Variants in SHMT1 observed in about 807,000 individuals in gnomAD.
The protein encoded by SHMT1 is serine hydroxymethyltransferase 1.
SHMT1 carries 45 observed loss-of-function variants against 49.0 expected under a neutral mutation model. The observed-to-expected ratio is 0.92, with a 90% CI of 0.72 to 1.18. The LOEUF (loss-of-function observed/expected upper bound fraction) is 1.18. SHMT1 is among the 50% of genes most tolerant of loss of function. SHMT1 has a pLI of 0.00. For synonymous variants in SHMT1, 232 were observed against 246.6 expected, an observed-to-expected ratio of 0.94 and a Z score of 0.55; for missense variants, 541 against 612.4, an observed-to-expected ratio of 0.88 and a Z score of 1.23.
In SHMT1 at chr17:18,340,483, G is replaced by A. The variant is rs1203206203; in HGVS notation, c.602-228C>T. ...GATGGCCCCAACTACTATTGCCAGC[G>A]CAGTCAGGGCCTGACATTTCTAGAT... On this transcript the variant is annotated intron_variant, in intron 6 of 11. Transcript: ENST00000316694. This position sits in a 1 kb window ranked among gnomAD's most constrained non-coding sequence, Gnocchi z 4.5. The A allele has an allele frequency of 1.0e-5, 7 of 667,580 alleles. No individual in the cohort carries two copies. Among genetic ancestry groups the A allele is most frequent in the African/African-American group, 7.2e-5 (4 of 55,894 alleles). 41.4% of individuals were successfully genotyped at this position (667,580 alleles called of 1,614,324 possible). A position where few individuals can be genotyped will look rare whatever the true frequency, so the allele number is the denominator to read the frequency against.
chr17:18,331,647 C>G (rs560928839), intron 9 of SHMT1: 1 of 152,486 alleles, frequency 6.6e-6, no homozygotes, highest in East Asian at 1.9e-4. Context: ...GGACTATGGC[C>G]TAAACCCTCA....
At chr17:18,361,756 G>C (rs112939055) in intron 1 of SHMT1, among the ~76,000 whole-genome samples, 3 of 151,500 alleles carry the variant, frequency 2.0e-5, no homozygotes, top group East Asian at 1.9e-4. Flanking sequence ...ACTGCTCTCC[G>C]GCCTGGGCAA....
chr17:18,343,311 T>C (rs941858689), intron 5 of SHMT1, among the ~76,000 whole-genome samples: 1 of 152,106 alleles, frequency 6.6e-6, no homozygotes. Context: ...ATTAAACTTC[T>C]ATAAACATAT....
intron 9 of SHMT1, 193 bp downstream of exon 9, chr17:18,332,973 C>A: frequency 1.4e-6 from 1 of 700,252 alleles, no homozygotes; most frequent in Admixed American, 2.0e-5. Context: ...GTGGCTCACC[C>A]AAGGGGGCGG....
At chr17:18,338,319 G>A (rs1984074321) in intron 7 of SHMT1, among the ~76,000 whole-genome samples, 2 of 151,946 alleles carry the variant, frequency 1.3e-5, no homozygotes. Context: ...TGGGAAGTGA[G>A]GAGCATCTCT....
chr17:18,329,208 A>T, intron 11 of SHMT1, 70 bp downstream of exon 11: 1 of 1,146,830 alleles, frequency 8.7e-7, no homozygotes, highest in Non-Finnish European at 1.3e-6. Flanking sequence ...GCAGGGTCTC[A>T]GCTACTCATC....
intron 1 of SHMT1, among the ~76,000 whole-genome samples, chr17:18,360,076 C>T (rs1204889765): frequency 1.3e-5 from 2 of 151,936 alleles, no homozygotes; most frequent in Admixed American, 6.6e-5. Context: ...AGCGAAACCC[C>T]GTCTCTACTA....
rs1298046725 is a variant in SHMT1, at chr17:18,328,182, A to C, written c.*568T>G. ...GGAGGGAGGAGGCCATTTCTACACCATACTTTGAGCTACTGACAGCAAAAC... is the reference window on the plus strand; with the variant it reads ...GGAGGGAGGAGGCCATTTCTACACCCTACTTTGAGCTACTGACAGCAAAAC... On this transcript the variant is annotated 3_prime_UTR_variant, in exon 12 of 12. Transcript: ENST00000316694. The C allele has an allele frequency of 2.5e-5, 4 of 159,512 alleles. No homozygotes were observed. Among genetic ancestry groups the C allele is most frequent in the Non-Finnish European group, 5.6e-5 (4 of 72,030 alleles). 9.9% of individuals were successfully genotyped at this position (159,512 alleles called of 1,614,324 possible).
At chr17:18,354,847 G>A (rs1482380721) in intron 2 of SHMT1, among the ~76,000 whole-genome samples, 1 of 145,610 alleles carries the variant, frequency 6.9e-6, no homozygotes, top group Non-Finnish European at 1.5e-5. Flanking sequence ...AGATCATCCT[G>A]GCTAACACAG....
chr17:18,328,501 T>G lies in SHMT1; in HGVS notation c.*249A>C, dbSNP rs1210786300. 1 of 537,640 alleles carries G rather than the reference T, an allele frequency of 1.9e-6. No individual in the cohort carries two copies. The highest frequency in any genetic ancestry group is 3.2e-5 in the East Asian group (1 of 31,120). 33.3% of individuals were successfully genotyped at this position (537,640 alleles called of 1,614,324 possible). A position where few individuals can be genotyped will look rare whatever the true frequency, so the allele number is the denominator to read the frequency against. On this transcript the variant is annotated 3_prime_UTR_variant, in exon 12 of 12. Transcript: ENST00000316694. ...ATAGTATTTTATTTTCCTAGAATTA[T>G]GTCCAGCTGTGAGAAAGCCAGGTTC...
intron 2 of SHMT1, among the ~76,000 whole-genome samples, chr17:18,354,633 T>G (rs991143963): frequency 6.6e-6 from 1 of 152,074 alleles, no homozygotes; most frequent in Non-Finnish European, 1.5e-5. Flanking sequence ...GAGAAAGTTA[T>G]CTTTAAGTGT....
rs182979330 is a variant in SHMT1, at chr17:18,348,148, G to A, written c.358+177C>T. 117 of 645,622 alleles carry A rather than the reference G, an allele frequency of 1.8e-4. 1 individual carries two copies. The Admixed American group carries it at 2.2e-3, about 12-fold the overall frequency. The allele number at this position is 645,622 out of a possible 1,614,324, so 40.0% of individuals were successfully genotyped here. A position where few individuals can be genotyped will look rare whatever the true frequency, so the allele number is the denominator to read the frequency against. ...TTGGTCAGGCTGGTCTTGAACTGCC[G>A]GCCTCAGGTGGTCTGCCTGCCTCCG... On this transcript the variant is annotated intron_variant, in intron 4 of 11. Coordinates refer to ENST00000316694, the MANE Select transcript of SHMT1 (RefSeq NM_004169.5).
chr17:18,339,278 C>T (rs1421996566), intron 7 of SHMT1, among the ~76,000 whole-genome samples: 7 of 152,134 alleles, frequency 4.6e-5, no homozygotes, highest in Non-Finnish European at 1.0e-4. Flanking sequence ...AATGTTTATA[C>T]ATCCATGTCT....
rs775966182 is a variant in SHMT1, at chr17:18,340,248, G to A, written c.609C>T (p.Ser203=). Residue 203 remains serine, a synonymous_variant, in exon 7 of 12, where the codon AGC becomes AGT. Coordinates refer to ENST00000316694, the MANE Select transcript of SHMT1 (RefSeq NM_004169.5). This position sits in a 1 kb window ranked among gnomAD's most constrained non-coding sequence, Gnocchi z 4.5. ...CATATTCCAGGTTTCGGGAGTAGCA[G>A]CTGGTTCCTGAGACAGGAAAGGTGA... ...FHPKLIIAGT[S]CYSRNLEYAR... 3 of 1,614,076 alleles carry A rather than the reference G, an allele frequency of 1.9e-6. No individual in the cohort carries two copies. The highest frequency in any genetic ancestry group is 1.1e-5 in the South Asian group (1 of 91,086).
chr17:18,344,577 GAAA>G (rs10655994), intron 5 of SHMT1, among the ~76,000 whole-genome samples: 2 of 65,382 alleles, frequency 3.1e-5, no homozygotes, highest in African/African-American at 1.2e-4. Flanking sequence ...ACAATTACCG[GAAA>G]AAAAAAAAAA....
At chr17:18,342,622 T>C (rs1984643505) in intron 5 of SHMT1, among the ~76,000 whole-genome samples, 1 of 152,052 alleles carries the variant, frequency 6.6e-6, no homozygotes, top group African/African-American at 2.4e-5. Flanking sequence ...CCATGTGATC[T>C]TACTTCTATG....
chr17:18,352,001 T>C (rs1985760126), intron 3 of SHMT1, among the ~76,000 whole-genome samples: 1 of 152,036 alleles, frequency 6.6e-6, no homozygotes, highest in Non-Finnish European at 1.5e-5. Flanking sequence ...CATGCCACCA[T>C]GTCCGGCTAA....
chr17:18,354,701 TTCTC>T (rs1986051831), intron 2 of SHMT1, among the ~76,000 whole-genome samples: 1 of 152,030 alleles, frequency 6.6e-6, no homozygotes, highest in African/African-American at 2.4e-5. Flanking sequence ...TTCACCAAGT[TTCTC>T]CCTCCCTGAA....
intron 5 of SHMT1, among the ~76,000 whole-genome samples, chr17:18,344,293 G>A (rs1001497306): frequency 6.6e-6 from 1 of 152,168 alleles, no homozygotes. Context: ...CTTCAGGGGT[G>A]TGGTTCTTTC....
Sources: gnomAD v4.1 joint callset for allele counts (sites outside exome capture counted in the v4.1 genomes callset) on GRCh38, gnomAD v4.1.1 for gene constraint, Gnocchi (gnomAD v3.1) non-coding constraint, MANE v1.5 for transcripts, NCBI Gene and HGNC (gene_info 2026-07-23, HGNC 2026-07-21) for gene names.